Variants in EYA3 observed in about 807,000 individuals in gnomAD.
EYA3 encodes the protein protein phosphatase EYA3.
EYA3 carries 39 observed loss-of-function variants against 80.0 expected under a neutral mutation model. The observed-to-expected ratio is 0.49, with a 90% CI of 0.38 to 0.64. The LOEUF (loss-of-function observed/expected upper bound fraction) is 0.64. EYA3 is among the 30% of genes least tolerant of loss of function. EYA3 has a pLI of 0.00. For synonymous variants in EYA3, 206 were observed against 232.8 expected (o/e 0.88, Z 1.05); for missense variants, 523 against 676.1 (o/e 0.77, Z 2.51).
chr1:28,022,316 T>C (rs1005006082), intron 7 of EYA3, among the ~76,000 whole-genome samples: 1 of 150,458 alleles, frequency 6.6e-6, no homozygotes, highest in Non-Finnish European at 1.5e-5. Flanking sequence ...ACCCAGATAA[T>C]TTTTTGTATT....
intron 12 of EYA3, among the ~76,000 whole-genome samples, 197 bp downstream of exon 12, chr1:27,999,763 A>C (rs900446171): frequency 6.6e-6 from 1 of 152,230 alleles, no homozygotes; most frequent in African/African-American, 2.4e-5. Context: ...ATAAAATTGA[A>C]TGTCAGAACC....
At chr1:27,999,006 T>G (rs1017473734) in intron 12 of EYA3, among the ~76,000 whole-genome samples, 1 of 152,188 alleles carries the variant, frequency 6.6e-6, no homozygotes, top group Non-Finnish European at 1.5e-5. Flanking sequence ...TGACCTCAAG[T>G]GATCTGCCCG....
chr1:28,056,806 G>A (rs1644454446), intron 2 of EYA3, among the ~76,000 whole-genome samples: 1 of 152,146 alleles, frequency 6.6e-6, no homozygotes. Flanking sequence ...TCAACAGTAT[G>A]TCAACACTTA....
At chr1:28,067,303 T>C (rs559346) in intron 1 of EYA3, among the ~76,000 whole-genome samples, 96,799 of 152,042 alleles carry the variant, frequency 0.64, 31,450 homozygotes, top group African/African-American at 0.77. Flanking sequence ...TTAACTACAC[T>C]GTAACTGTAA....
intron 10 of EYA3, among the ~76,000 whole-genome samples, chr1:28,005,172 G>C (rs1166159623): frequency 6.6e-6 from 1 of 152,206 alleles, no homozygotes; most frequent in Non-Finnish European, 1.5e-5. Flanking sequence ...GCTATAACTA[G>C]AGTAAGGAGA....
intron 16 of EYA3, among the ~76,000 whole-genome samples, chr1:27,982,464 TAAA>T (rs79840179): frequency 1.4e-5 from 2 of 138,266 alleles, no homozygotes; most frequent in Non-Finnish European, 1.6e-5. Flanking sequence ...TGCTCTAGAT[TAAA>T]AAAAAAAAAA....
chr1:27,978,497 T>A, intron 16 of EYA3, 23 bp from the exon 17 acceptor site: 1 of 1,586,330 alleles, frequency 6.3e-7, no homozygotes, highest in Non-Finnish European at 8.7e-7. Context: ...AGAAATTTCC[T>A]GTTAGAATAC....
chr1:28,047,924 C>T (rs997040831), intron 3 of EYA3, among the ~76,000 whole-genome samples: 3 of 152,116 alleles, frequency 2.0e-5, no homozygotes, highest in South Asian at 2.1e-4. Context: ...CAGGCGTGAG[C>T]GACCGTGCCA....
intron 1 of EYA3, among the ~76,000 whole-genome samples, chr1:28,060,423 T>C (rs926502391): frequency 1.3e-5 from 2 of 152,116 alleles, no homozygotes; most frequent in African/African-American, 2.4e-5. Flanking sequence ...ATAGAAACAT[T>C]AGTATAAATG....
intron 6 of EYA3, among the ~76,000 whole-genome samples, chr1:28,031,566 C>G (rs777897342): frequency 1.4e-4 from 21 of 152,206 alleles, no homozygotes; most frequent in Non-Finnish European, 2.6e-4. Context: ...AGCACAAGTA[C>G]TTCACTATTG....
At chr1:28,025,524 T>C (rs1642725012) in intron 7 of EYA3, among the ~76,000 whole-genome samples, 1 of 152,222 alleles carries the variant, frequency 6.6e-6, no homozygotes, top group Non-Finnish European at 1.5e-5. Flanking sequence ...AGGCTCTCCC[T>C]CTCTAAAATG....
At chr1:27,998,599 G>A (rs1293437704) in intron 12 of EYA3, among the ~76,000 whole-genome samples, 1 of 151,824 alleles carries the variant, frequency 6.6e-6, no homozygotes, top group Non-Finnish European at 1.5e-5. Flanking sequence ...TGTTGGCTGG[G>A]TGCAGTGCTC....
At chr1:28,016,141 G>C (rs1642047616) in intron 8 of EYA3, among the ~76,000 whole-genome samples, 1 of 152,154 alleles carries the variant, frequency 6.6e-6, no homozygotes, top group Admixed American at 6.6e-5. Flanking sequence ...TTCAAAGACA[G>C]GGTCAAAAAG....
At chr1:27,993,330 G>A in intron 14 of EYA3, 70 bp downstream of exon 14, 1 of 1,484,132 alleles carries the variant, frequency 6.7e-7, no homozygotes, top group Non-Finnish European at 9.2e-7. Flanking sequence ...GGAATCTAAG[G>A]AATCCCTGGA....
chr1:28,053,828 G>T (rs1473689544), intron 2 of EYA3, among the ~76,000 whole-genome samples: 1 of 152,198 alleles, frequency 6.6e-6, no homozygotes, highest in Non-Finnish European at 1.5e-5. Context: ...ACAGGCTTAA[G>T]AAACAGGACT....
chr1:27,982,005 ATTT>A (rs553550162), intron 16 of EYA3, among the ~76,000 whole-genome samples: 9 of 133,170 alleles, frequency 6.8e-5, no homozygotes, highest in African/African-American at 8.4e-5. Context: ...CACCTGGCTA[ATTT>A]TTTTTTTTTT....
intron 2 of EYA3, among the ~76,000 whole-genome samples, chr1:28,055,299 A>G (rs1284326557): frequency 6.6e-6 from 1 of 152,126 alleles, no homozygotes; most frequent in Non-Finnish European, 1.5e-5. Context: ...ATCAGTCAAA[A>G]GGATCCCCTC....
chr1:27,983,234 A>G (rs1029266663), intron 16 of EYA3, among the ~76,000 whole-genome samples: 6 of 152,198 alleles, frequency 3.9e-5, no homozygotes, highest in African/African-American at 1.4e-4. Flanking sequence ...AACTTACACA[A>G]ACAGCCAGAG....
chr1:28,007,613 T>C (rs1395007945), intron 10 of EYA3, among the ~76,000 whole-genome samples: 1 of 152,070 alleles, frequency 6.6e-6, no homozygotes, highest in African/African-American at 2.4e-5. Flanking sequence ...GATTACAGAC[T>C]GAGCCACTGC....
Sources: gnomAD v4.1 joint callset for allele counts (sites outside exome capture counted in the v4.1 genomes callset) on GRCh38, gnomAD v4.1.1 for gene constraint, MANE v1.5 for transcripts, NCBI Gene and HGNC (gene_info 2026-07-23, HGNC 2026-07-21) for gene names.